SLC39A11: variants seen among roughly 807,000 people sequenced by gnomAD.
SLC39A11 encodes the protein zinc transporter ZIP11.
SLC39A11 carries 33 observed loss-of-function variants against 36.1 expected under a neutral mutation model. That is an observed-to-expected ratio of 0.91 (90% CI 0.69 to 1.22). The LOEUF is 1.22. SLC39A11 is among the 50% of genes most tolerant of loss of function. The pLI, the probability that SLC39A11 is intolerant of heterozygous loss-of-function variation, is 0.00. For missense variants in SLC39A11, 432 were observed against 430.3 expected (o/e 1.00, Z -0.03); for synonymous variants, 166 against 170.3 (o/e 0.97, Z 0.20).
intron 7 of SLC39A11, among the ~76,000 whole-genome samples, chr17:72,716,306 G>A (rs941790633): frequency 4.0e-4 from 61 of 152,104 alleles, no homozygotes; most frequent in African/African-American, 1.4e-3. Context: ...AGCGGGAGGC[G>A]GATGACTGAA....
chr17:72,678,178 C>G (rs1266594826), intron 7 of SLC39A11, among the ~76,000 whole-genome samples: 1 of 152,214 alleles, frequency 6.6e-6, no homozygotes, highest in Non-Finnish European at 1.5e-5. Context: ...GATGCCCGTT[C>G]CGCTCACAAA....
chr17:72,922,559 T>C (rs1199732073), intron 5 of SLC39A11, among the ~76,000 whole-genome samples: 2 of 152,142 alleles, frequency 1.3e-5, no homozygotes, highest in African/African-American at 4.8e-5. Flanking sequence ...AAATAACCAT[T>C]TCACTGGATG....
chr17:73,027,913 G>A (rs1250660958), intron 4 of SLC39A11, among the ~76,000 whole-genome samples: 1 of 152,150 alleles, frequency 6.6e-6, no homozygotes, highest in African/African-American at 2.4e-5. Flanking sequence ...CACAGACACT[G>A]ACCCACTTCC....
chr17:73,029,849 T>C (rs2058683576), intron 4 of SLC39A11, among the ~76,000 whole-genome samples: 1 of 152,170 alleles, frequency 6.6e-6, no homozygotes, highest in Admixed American at 6.5e-5. Flanking sequence ...CCCAAAGTGT[T>C]GGAATTACAG....
chr17:73,030,156 G>C (rs1277217328), intron 4 of SLC39A11, among the ~76,000 whole-genome samples: 1 of 152,218 alleles, frequency 6.6e-6, no homozygotes, highest in Non-Finnish European at 1.5e-5. Flanking sequence ...TCTGACAGGA[G>C]GCGGAGCTCA....
intron 7 of SLC39A11, among the ~76,000 whole-genome samples, chr17:72,684,632 C>T (rs1156967593): frequency 6.6e-6 from 1 of 152,184 alleles, no homozygotes. Flanking sequence ...GCTGGTTTAT[C>T]GCGGCCACCA....
chr17:73,002,837 G>C (rs545397111), intron 4 of SLC39A11, among the ~76,000 whole-genome samples: 67 of 152,320 alleles, frequency 4.4e-4, no homozygotes, highest in Middle Eastern at 3.4e-3. Flanking sequence ...GGAAGAATCT[G>C]TTCCTTGCCT....
intron 3 of SLC39A11, among the ~76,000 whole-genome samples, chr17:73,083,394 C>T (rs1285201196): frequency 1.3e-5 from 2 of 152,198 alleles, no homozygotes; most frequent in Non-Finnish European, 2.9e-5. Flanking sequence ...CTCAGATGGC[C>T]TCTGGCAGGC....
At chr17:72,855,618 C>T (rs993769159) in intron 5 of SLC39A11, among the ~76,000 whole-genome samples, 9 of 152,076 alleles carry the variant, frequency 5.9e-5, no homozygotes, top group Admixed American at 1.3e-4. Flanking sequence ...GAATAGAGGC[C>T]GGGTGCGGTG....
chr17:72,729,405 TTATATATATATATATATATATATATATA>T (rs1162603035), intron 7 of SLC39A11, among the ~76,000 whole-genome samples: 19 of 29,248 alleles, frequency 6.5e-4, no homozygotes, highest in African/African-American at 9.6e-4. Flanking sequence ...ACCTGGCTAT[TTATATATATATATATATATATATATATA>T]TATATATATA....
In SLC39A11 at chr17:72,955,298, C is replaced by CTTTTTTTTTTTTTTTTTTTTT. The variant is rs71359751; in HGVS notation, c.307-7424_307-7423insAAAAAAAAAAAAAAAAAAAAA. ...GAATAGGCTTTAACTTTTCAGTTCT[C>CTTTTTTTTTTTTTTTTTTTTT]TTTTTTTTTTTTTTTTTTTTGTTTG... On this transcript the variant is annotated intron_variant, in intron 4 of 9. Transcript: ENST00000255559. Among the ~76,000 whole-genome samples, 23 of 65,580 alleles carry CTTTTTTTTTTTTTTTTTTTTT rather than the reference C, an allele frequency of 3.5e-4. 1 individual carries two copies. Among genetic ancestry groups the CTTTTTTTTTTTTTTTTTTTTT allele is most frequent in the Admixed American group, 5.2e-4 (2 of 3,836 alleles). The allele number at this position is 65,580 out of a possible 152,430, so 43.0% of individuals were successfully genotyped here. A position where few individuals can be genotyped will look rare whatever the true frequency, so the allele number is the denominator to read the frequency against.
chr17:72,814,474 G>A (rs2077523250), intron 6 of SLC39A11, among the ~76,000 whole-genome samples: 2 of 152,148 alleles, frequency 1.3e-5, no homozygotes, highest in African/African-American at 4.8e-5. Context: ...AGACATGCTT[G>A]CAGAGTTTGG....
intron 3 of SLC39A11, among the ~76,000 whole-genome samples, chr17:73,050,436 T>C (rs945882714): frequency 2.0e-5 from 3 of 147,366 alleles, no homozygotes; most frequent in African/African-American, 5.0e-5. Context: ...TAGGATCTTA[T>C]AGGAGCAGGG....
chr17:72,987,233 G>T (rs746623123), intron 4 of SLC39A11, among the ~76,000 whole-genome samples: 1 of 152,210 alleles, frequency 6.6e-6, no homozygotes, highest in African/African-American at 2.4e-5. Flanking sequence ...CTCCCCAGAA[G>T]CAGATGCTGG....
chr17:72,882,794 C>CTTTTTTTTTTTTCTTT (rs2081258875), intron 5 of SLC39A11, among the ~76,000 whole-genome samples: 20 of 66,500 alleles, frequency 3.0e-4, no homozygotes, highest in Non-Finnish European at 2.1e-4. Context: ...AGAGAGAATG[C>CTTTTTTTTTTTTCTTT]TTCTTTTTTT....
chr17:72,675,501 A>G (rs2071217452), intron 7 of SLC39A11, among the ~76,000 whole-genome samples: 1 of 152,242 alleles, frequency 6.6e-6, no homozygotes. Flanking sequence ...GCAACAGTCA[A>G]CATAATCTCC....
chr17:72,844,481 C>T (rs2078964156), intron 6 of SLC39A11, among the ~76,000 whole-genome samples: 1 of 152,142 alleles, frequency 6.6e-6, no homozygotes, highest in Admixed American at 6.6e-5. Flanking sequence ...CCAGCCTGAC[C>T]AATATGGCAA....
intron 5 of SLC39A11, among the ~76,000 whole-genome samples, chr17:72,892,579 T>A (rs2081811636): frequency 6.6e-6 from 1 of 151,822 alleles, no homozygotes; most frequent in African/African-American, 2.4e-5. Flanking sequence ...AATTCAAGAG[T>A]CTATTTCCCC....
chr17:72,904,852 C>G (rs555867697), intron 5 of SLC39A11, among the ~76,000 whole-genome samples: 1 of 152,330 alleles, frequency 6.6e-6, no homozygotes, highest in Non-Finnish European at 1.5e-5. Context: ...GCTCACCAGT[C>G]CCATCAGCAG....
Sources: gnomAD v4.1 joint callset for allele counts (sites outside exome capture counted in the v4.1 genomes callset) on GRCh38, gnomAD v4.1.1 for gene constraint, MANE v1.5 for transcripts, NCBI Gene and HGNC (gene_info 2026-07-23, HGNC 2026-07-21) for gene names.